GABRA3: variants seen among roughly 807,000 people sequenced by gnomAD.
The protein encoded by GABRA3 is gamma-aminobutyric acid type A receptor subunit alpha3.
In GABRA3, 10 loss-of-function variants were observed where a neutral mutation model predicts 30.1. The ratio of observed to expected loss-of-function variants is 0.33; its 90% CI spans 0.20 to 0.56. The LOEUF is 0.56. GABRA3 is among the 20% of genes least tolerant of loss of function. The pLI is 0.89. For missense variants in GABRA3, 233 were observed against 392.0 expected, an observed-to-expected ratio of 0.59 and a Z score of 3.42; for synonymous variants, 151 against 146.8, an observed-to-expected ratio of 1.03 and a Z score of -0.21.
chrX:152,206,688 C>T lies in GABRA3; in HGVS notation c.778+1313G>A, dbSNP rs767857609. ...GCTCCTGGGACACAGGGACAGGGCC[C>T]AGGTGGCCCAGACACTCCCACCACC... On this transcript the variant is annotated intron_variant, in intron 7 of 9. Coordinates refer to ENST00000370314, the MANE Select transcript of GABRA3 (RefSeq NM_000808.4). Among the ~76,000 whole-genome samples, 828 of 111,428 alleles carry T rather than the reference C, an allele frequency of 7.4e-3. 3 individuals carry two copies. The highest frequency in any genetic ancestry group is 0.013 in the Non-Finnish European group (677 of 52,881).
chrX:152,440,834 A>C (rs1009903804), intron 1 of GABRA3, among the ~76,000 whole-genome samples: 13 of 110,581 alleles, frequency 1.2e-4, no homozygotes, highest in African/African-American at 4.3e-4. Context: ...GGACACAGGG[A>C]GGGGAACATC....
At chrX:152,328,451 T>C (rs1376307004) in intron 3 of GABRA3, among the ~76,000 whole-genome samples, 3 of 111,789 alleles carry the variant, frequency 2.7e-5, no homozygotes, top group African/African-American at 9.8e-5. Flanking sequence ...AAATCCTCAA[T>C]AAAATACTGG....
intron 1 of GABRA3, 112 bp from the exon 2 acceptor site, chrX:152,364,708 G>C (rs951073630): frequency 1.9e-6 from 1 of 522,528 alleles, no homozygotes. Context: ...CTCTATTAGA[G>C]CCATTTAACT....
intron 4 of GABRA3, among the ~76,000 whole-genome samples, chrX:152,280,601 C>CACAAAGGGGGATTAGAATTAT (rs1939182368): frequency 9.0e-6 from 1 of 111,502 alleles, no homozygotes; most frequent in Non-Finnish European, 1.9e-5. Flanking sequence ...TTATCTGAAT[C>CACAAAGGGGGATTAGAATTAT]TGTTGTCTAG....
intron 1 of GABRA3, among the ~76,000 whole-genome samples, chrX:152,421,098 T>C (rs1409640970): frequency 1.1e-5 from 1 of 94,987 alleles, no homozygotes. Context: ...TTACACATTA[T>C]ACACACACAC....
chrX:152,395,668 T>C (rs1218402446), intron 1 of GABRA3, among the ~76,000 whole-genome samples: 1 of 111,703 alleles, frequency 9.0e-6, no homozygotes, highest in African/African-American at 3.3e-5. Flanking sequence ...TGAATGATAA[T>C]AGAGAAGACT....
chrX:152,199,371 A>AT lies in GABRA3; in HGVS notation c.779-1587_779-1586insA, dbSNP rs374703302. The stretch of plus-strand genomic sequence containing the variant: ...ACAGGCGAGACTCTGTCTCAAAAAA[A>AT]AAAAAATAAAAAAAGCAAAAAACAA... On this transcript the variant is annotated intron_variant, in intron 7 of 9. Transcript: ENST00000370314. Among the ~76,000 whole-genome samples the AT allele has an allele frequency of 3.8e-3, 414 of 108,649 alleles. 4 individuals carry two copies. The South Asian group carries it at 0.047, about 12-fold the overall frequency. 94.3% of individuals were successfully genotyped at this position (108,649 alleles called of 115,157 possible).
intron 9 of GABRA3, among the ~76,000 whole-genome samples, chrX:152,175,250 AT>A (rs72105011): frequency 0.1 from 10,157 of 102,045 alleles, 1,015 homozygotes; most frequent in African/African-American, 0.29. Flanking sequence ...ATAGCAATGG[AT>A]TTTTTTTTTT....
intron 3 of GABRA3, among the ~76,000 whole-genome samples, chrX:152,323,609 AG>A (rs1336704632): frequency 8.9e-6 from 1 of 112,409 alleles, no homozygotes; most frequent in East Asian, 2.8e-4. Flanking sequence ...CTGCACTAGT[AG>A]CAGCTTATAA....
intron 3 of GABRA3, among the ~76,000 whole-genome samples, chrX:152,338,842 A>G (rs1395817684): frequency 3.6e-5 from 4 of 111,364 alleles, no homozygotes; most frequent in African/African-American, 1.3e-4. Context: ...ATTGGCTGTA[A>G]ACATGTGGAT....
chrX:152,258,275 A>G (rs1938671399), intron 4 of GABRA3, among the ~76,000 whole-genome samples: 1 of 112,103 alleles, frequency 8.9e-6, no homozygotes, highest in South Asian at 3.7e-4. Context: ...ATAGTCATTG[A>G]AAATAAAAGT....
At position 152,253,416 on chromosome X, in the gene GABRA3, T is replaced by G. The variant is rs183575173; in HGVS notation, c.551+2362A>C. On this transcript the variant is annotated intron_variant, in intron 5 of 9. Transcript: ENST00000370314. ...TTGTCCCAAATTAACCTCACAGACTTATCTAAATTTGTCCTAACTTTCATA... is the reference window on the plus strand; with the variant it reads ...TTGTCCCAAATTAACCTCACAGACTGATCTAAATTTGTCCTAACTTTCATA... 6.1e-4 allele frequency among the ~76,000 whole-genome samples: 68 copies of G among 111,726 alleles called. 1 individual carries two copies. The East Asian group carries it at 0.014, about 22-fold the overall frequency.
intron 5 of GABRA3, among the ~76,000 whole-genome samples, chrX:152,245,200 G>C (rs940543751): frequency 2.7e-5 from 3 of 110,766 alleles, no homozygotes; most frequent in Non-Finnish European, 5.7e-5. Flanking sequence ...TCTCGAAGTG[G>C]AACAACCTAC....
chrX:152,343,866 T>A (rs995039770), intron 3 of GABRA3, among the ~76,000 whole-genome samples: 1 of 112,383 alleles, frequency 8.9e-6, no homozygotes, highest in Non-Finnish European at 1.9e-5. Context: ...GGTACATGTA[T>A]CAATTAAAAG....
intron 1 of GABRA3, among the ~76,000 whole-genome samples, chrX:152,433,841 G>A (rs985476985): frequency 1.8e-5 from 2 of 109,856 alleles, no homozygotes; most frequent in South Asian, 7.7e-4. Flanking sequence ...GAAGACAAGT[G>A]GGTCACTACA....
chrX:152,283,748 T>C (rs1939238644), intron 4 of GABRA3, among the ~76,000 whole-genome samples: 1 of 112,225 alleles, frequency 8.9e-6, no homozygotes, highest in Middle Eastern at 4.6e-3. Flanking sequence ...CTTTGTCCCC[T>C]GCCAAGTAGT....
At chrX:152,302,700 A>G (rs758476484) in intron 3 of GABRA3, among the ~76,000 whole-genome samples, 58 of 110,675 alleles carry the variant, frequency 5.2e-4, no homozygotes, top group African/African-American at 1.9e-3. Context: ...ACAGTCCATA[A>G]TAGGTAGTTT....
At chrX:152,322,859 T>C (rs1939989356) in intron 3 of GABRA3, among the ~76,000 whole-genome samples, 1 of 85,694 alleles carries the variant, frequency 1.2e-5, no homozygotes, top group African/African-American at 4.4e-5. Context: ...TTTTTTTTTT[T>C]TTTTTTTTTT....
At chrX:152,302,679 A>G (rs751677476) in intron 3 of GABRA3, among the ~76,000 whole-genome samples, 69 of 110,991 alleles carry the variant, frequency 6.2e-4, no homozygotes, top group Non-Finnish European at 1.2e-3. Flanking sequence ...CTCATCACCC[A>G]GGTAGTGAGA....
Sources: allele counts gnomAD v4.1 joint callset (sites outside exome capture counted in the v4.1 genomes callset), GRCh38; gene constraint gnomAD v4.1.1; transcripts MANE v1.5; gene names NCBI Gene and HGNC (gene_info 2026-07-23, HGNC 2026-07-21).